The following HYCC1 variants were observed in gnomAD, a reference collection of about 807,000 sequenced individuals.
The protein encoded by HYCC1 is hyccin.
the HYCC1 span, among the ~76,000 whole-genome samples, chr7:22,917,561 C>T: frequency 6.6e-6 from 1 of 152,210 alleles, no homozygotes; most frequent in Non-Finnish European, 1.5e-5. Context: ...TGGGTAGACA[C>T]TTTCACTGGA....
chr7:22,918,061 A>T, the HYCC1 span, among the ~76,000 whole-genome samples: 1 of 152,156 alleles, frequency 6.6e-6, no homozygotes, highest in Non-Finnish European at 1.5e-5. Flanking sequence ...GTATATTTTT[A>T]AAAGAAGAGT....
At chr7:22,990,184 A>AC in the HYCC1 span, among the ~76,000 whole-genome samples, 1 of 152,158 alleles carries the variant, frequency 6.6e-6, no homozygotes, top group Non-Finnish European at 1.5e-5. Flanking sequence ...CCAGATGTTC[A>AC]CCCCATTATA....
chr7:22,930,090 G>A, the HYCC1 span, among the ~76,000 whole-genome samples: 4 of 149,968 alleles, frequency 2.7e-5, no homozygotes, highest in Non-Finnish European at 3.0e-5. Flanking sequence ...ACTATCGCAA[G>A]GACAAAAAAC....
the HYCC1 span, chr7:22,947,102 AC>A: frequency 6.5e-7 from 1 of 1,550,208 alleles, no homozygotes; most frequent in Non-Finnish European, 8.7e-7. Flanking sequence ...TTTCCTGCAC[AC>A]CCTGTATATG....
chr7:23,006,965 ACAAGATT>A, the HYCC1 span, among the ~76,000 whole-genome samples: 1 of 152,228 alleles, frequency 6.6e-6, no homozygotes, highest in Non-Finnish European at 1.5e-5. Flanking sequence ...CAAGGTACAA[ACAAGATT>A]CAGGAATGCA....
the HYCC1 span, chr7:22,941,340 A>G: frequency 6.6e-6 from 1 of 152,208 alleles, no homozygotes; most frequent in Non-Finnish European, 1.5e-5. Context: ...CATTTACACA[A>G]ATATACAAAA....
the HYCC1 span, among the ~76,000 whole-genome samples, chr7:22,946,544 T>C: frequency 4.2e-3 from 644 of 152,126 alleles, no homozygotes; most frequent in Non-Finnish European, 7.8e-3. Context: ...CCAAGGAACT[T>C]TTAAAAAATT....
the HYCC1 span, among the ~76,000 whole-genome samples, chr7:22,911,208 G>T: frequency 6.6e-6 from 1 of 152,184 alleles, no homozygotes; most frequent in Non-Finnish European, 1.5e-5. Context: ...CAATTTGGTG[G>T]CTGCTATCAA....
At chr7:22,901,199 C>T in the HYCC1 span, among the ~76,000 whole-genome samples, 1 of 89,966 alleles carries the variant, frequency 1.1e-5, no homozygotes, top group African/African-American at 4.4e-5. Flanking sequence ...ACAGCCTGGA[C>T]AATGGGAGTG....
the HYCC1 span, among the ~76,000 whole-genome samples, chr7:22,921,669 A>G: frequency 6.6e-6 from 1 of 152,240 alleles, no homozygotes. Flanking sequence ...TAGAACTCAC[A>G]TAGTGAGGAT....
chr7:22,993,907 T>C, the HYCC1 span, among the ~76,000 whole-genome samples: 1 of 152,312 alleles, frequency 6.6e-6, no homozygotes, highest in Admixed American at 6.5e-5. Flanking sequence ...CCCATGTTAA[T>C]ACTCAACAGA....
the HYCC1 span, chr7:22,945,651 T>C: frequency 3.0e-5 from 49 of 1,613,672 alleles, no homozygotes; most frequent in East Asian, 2.0e-4. Context: ...TGATGCTTCA[T>C]TGGAAGTTCA....
chr7:22,905,386 ATTTTTTTTTTTTTTTTT>A, the HYCC1 span, among the ~76,000 whole-genome samples: 1 of 44,466 alleles, frequency 2.2e-5, no homozygotes, highest in Non-Finnish European at 4.2e-5. Flanking sequence ...CTAATTTTGT[ATTTTTTTTTTTTTTTTT>A]TTTTTTTTTT....
At chr7:23,007,701 T>A in the HYCC1 span, among the ~76,000 whole-genome samples, 1 of 152,278 alleles carries the variant, frequency 6.6e-6, no homozygotes, top group Non-Finnish European at 1.5e-5. Flanking sequence ...CAATCTCATA[T>A]AGCAAATCAA....
At chr7:22,924,005 A>C in the HYCC1 span, among the ~76,000 whole-genome samples, 1 of 150,630 alleles carries the variant, frequency 6.6e-6, no homozygotes, top group East Asian at 1.9e-4. Context: ...GAAAAAAAAA[A>C]AAAAAAAAAC....
At chr7:23,003,669 G>C in the HYCC1 span, among the ~76,000 whole-genome samples, 1 of 152,172 alleles carries the variant, frequency 6.6e-6, no homozygotes, top group Admixed American at 6.5e-5. Flanking sequence ...AATGTTAAGA[G>C]AATCAAATTC....
the HYCC1 span, among the ~76,000 whole-genome samples, chr7:22,911,666 A>C: frequency 6.6e-6 from 1 of 152,086 alleles, no homozygotes; most frequent in South Asian, 2.1e-4. Flanking sequence ...GCTGAGGCAG[A>C]AGAATCGCTT....
At chr7:22,985,261 A>C in the HYCC1 span, among the ~76,000 whole-genome samples, 1 of 152,140 alleles carries the variant, frequency 6.6e-6, no homozygotes, top group African/African-American at 2.4e-5. Context: ...TGTGTGCATA[A>C]ATTAAACAGC....
the HYCC1 span, among the ~76,000 whole-genome samples, chr7:22,907,104 CAAAAAAAAA>C: frequency 3.1e-3 from 133 of 43,542 alleles, 1 homozygote; most frequent in African/African-American, 0.013. Context: ...GACTCTATCT[CAAAAAAAAA>C]AAAAAAAAAA....
Sources: gnomAD v4.1 joint callset for allele counts (sites outside exome capture counted in the v4.1 genomes callset) on GRCh38, gnomAD v4.1.1 for gene constraint, MANE v1.5 for transcripts, NCBI Gene and HGNC (gene_info 2026-07-23, HGNC 2026-07-21) for gene names.